The following STXBP6 variants were observed in gnomAD, a reference collection of about 807,000 sequenced individuals.
The protein encoded by STXBP6 is syntaxin binding protein 6.
A neutral mutation model predicts 26.9 loss-of-function variants in STXBP6; 21 were observed. That is an observed-to-expected ratio of 0.78 (90% CI 0.55 to 1.12). The LOEUF (loss-of-function observed/expected upper bound fraction) is 1.12, where lower values mean the gene tolerates loss of function less well. Among genes scored for constraint, STXBP6 ranks in the 50% most tolerant of loss-of-function variants. The pLI is 0.00. For missense variants in STXBP6, 232 were observed against 257.9 expected (o/e 0.90, Z 0.69); for synonymous variants, 97 against 92.6 (o/e 1.05, Z -0.27).
At chr14:24,897,979 A>T (rs1455276538) in intron 2 of STXBP6, among the ~76,000 whole-genome samples, 3 of 152,228 alleles carry the variant, frequency 2.0e-5, no homozygotes, top group African/African-American at 7.2e-5. Flanking sequence ...TCAGTGGTGA[A>T]GTCATGTAGA....
intron 2 of STXBP6, among the ~76,000 whole-genome samples, chr14:24,945,919 G>T (rs1238443309): frequency 6.6e-6 from 1 of 152,234 alleles, no homozygotes; most frequent in Non-Finnish European, 1.5e-5. Context: ...TAGTCAAAAC[G>T]GTTGAACTCA....
At chr14:24,880,377 T>A (rs1705722742) in intron 2 of STXBP6, among the ~76,000 whole-genome samples, 1 of 152,094 alleles carries the variant, frequency 6.6e-6, no homozygotes, top group Admixed American at 6.5e-5. Flanking sequence ...CTCTTGGGGG[T>A]ACATTAATGC....
At chr14:24,945,950 G>A (rs1242337602) in intron 2 of STXBP6, among the ~76,000 whole-genome samples, 2 of 152,134 alleles carry the variant, frequency 1.3e-5, no homozygotes, top group African/African-American at 4.8e-5. Context: ...ACAATGATGT[G>A]GATCGATTAA....
Position 24,812,719 on chromosome 14 carries a change from T to G in STXBP6, c.623A>C (p.His208Pro). 6.2e-7 allele frequency: 1 copy of G among 1,613,818 alleles called. No individual in the cohort carries two copies. Among genetic ancestry groups the G allele is most frequent in the Non-Finnish European group, 8.5e-7 (1 of 1,179,770 alleles). The part of the protein sequence containing the change: ...AETAHKLAMK[H>P]KC ...AGGATAGGCAGTTTCTCAACATTTG[T>G]GCTTCATGGCAAGCTAAGGAGAGAG... Residue 208 changes from histidine to proline, a missense_variant, in exon 6 of 6, where the codon CAC becomes CCC. By Grantham distance (77) the His-to-Pro change is moderately conservative. Coordinates refer to ENST00000323944, the MANE Select transcript of STXBP6 (RefSeq NM_001394410.1).
chr14:24,817,224 C>T (rs1025535620), intron 5 of STXBP6: 1 of 152,204 alleles, frequency 6.6e-6, no homozygotes, highest in Non-Finnish European at 1.5e-5. Context: ...GGAAACAGGG[C>T]TACCAGGGCC....
chr14:24,968,069 G>A lies in STXBP6; in HGVS notation c.154+6596C>T, dbSNP rs556988680. ...ATAGGGATGCTGCAGGGATTAACTG[G>A]AATTAAATAATATAATATGCATAAG... On this transcript the variant is annotated intron_variant, in intron 2 of 5. Transcript: ENST00000323944. 1.2e-4 allele frequency among the ~76,000 whole-genome samples: 18 copies of A among 151,270 alleles called. 1 individual carries two copies. The highest frequency in any genetic ancestry group is 4.4e-4 in the African/African-American group (18 of 41,210).
rs981660306 is a variant in STXBP6, at chr14:24,810,741, T to C, written c.*1968A>G. ...TTCCCAAACATTGTTGTTAGAGAGTTGGCAACCACTTCTGTTCTTGAATTT... is the reference window on the plus strand; with the variant it reads ...TTCCCAAACATTGTTGTTAGAGAGTCGGCAACCACTTCTGTTCTTGAATTT... On this transcript the variant is annotated 3_prime_UTR_variant, in exon 6 of 6. Coordinates refer to ENST00000323944, the MANE Select transcript of STXBP6 (RefSeq NM_001394410.1). The C allele has an allele frequency of 6.6e-6, 1 of 152,226 alleles. No individual in the cohort carries two copies. The highest frequency in any genetic ancestry group is 1.5e-5 in the Non-Finnish European group (1 of 68,032). The allele number at this position is 152,226 out of a possible 1,614,324, so 9.4% of individuals were successfully genotyped here. A position where few individuals can be genotyped will look rare whatever the true frequency, so the allele number is the denominator to read the frequency against.
intron 1 of STXBP6, among the ~76,000 whole-genome samples, chr14:24,979,127 A>G (rs2074121729): frequency 6.6e-6 from 1 of 152,252 alleles, no homozygotes; most frequent in South Asian, 2.1e-4. Flanking sequence ...CAACAGTGCC[A>G]TCTATTTAGC....
At chr14:25,002,362 T>TC (rs886265139) in intron 1 of STXBP6, among the ~76,000 whole-genome samples, 1 of 144,304 alleles carries the variant, frequency 6.9e-6, no homozygotes, top group African/African-American at 2.7e-5. Flanking sequence ...CTTATGACTT[T>TC]TTTTTTTTTT....
intron 2 of STXBP6, among the ~76,000 whole-genome samples, chr14:24,900,691 C>A (rs905941748): frequency 1.3e-5 from 2 of 152,136 alleles, no homozygotes; most frequent in African/African-American, 4.8e-5. Context: ...CTGGACCCAT[C>A]TCATGGGATC....
At chr14:24,987,049 T>A (rs748566466) in intron 1 of STXBP6, among the ~76,000 whole-genome samples, 17 of 152,332 alleles carry the variant, frequency 1.1e-4, no homozygotes, top group South Asian at 6.2e-4. Context: ...CCTAACTAGC[T>A]GTGCAGTGTT....
chr14:24,852,769 T>C (rs1482961065), intron 4 of STXBP6, among the ~76,000 whole-genome samples: 1 of 152,118 alleles, frequency 6.6e-6, no homozygotes, highest in East Asian at 1.9e-4. Context: ...AGGAATGTAG[T>C]GGCTAAAATA....
chr14:24,968,674 C>T (rs756452518), intron 2 of STXBP6, among the ~76,000 whole-genome samples: 1 of 152,006 alleles, frequency 6.6e-6, no homozygotes, highest in South Asian at 2.1e-4. Context: ...GGTTCAGATC[C>T]CTAGAATCTC....
chr14:25,019,856 C>T (rs1204461275), intron 1 of STXBP6, among the ~76,000 whole-genome samples: 2 of 144,972 alleles, frequency 1.4e-5, no homozygotes, highest in Admixed American at 6.9e-5. Context: ...TTATAAAATA[C>T]AAGTTTCGTG....
intron 4 of STXBP6, among the ~76,000 whole-genome samples, chr14:24,854,489 G>C (rs2069258468): frequency 6.6e-6 from 1 of 152,104 alleles, no homozygotes; most frequent in Admixed American, 6.6e-5. Flanking sequence ...GCAAGCTACT[G>C]ACCATATGGA....
chr14:24,996,864 CAA>C (rs753413417), intron 1 of STXBP6, among the ~76,000 whole-genome samples: 1 of 60,886 alleles, frequency 1.6e-5, no homozygotes, highest in Non-Finnish European at 3.1e-5. Context: ...AACTCTGTCT[CAA>C]AAAAAAAAAA....
intron 2 of STXBP6, among the ~76,000 whole-genome samples, chr14:24,924,013 T>C (rs2072074804): frequency 6.6e-6 from 1 of 152,040 alleles, no homozygotes; most frequent in Non-Finnish European, 1.5e-5. Flanking sequence ...AATTCCCACA[T>C]ATTTTTTTTT....
intron 2 of STXBP6, among the ~76,000 whole-genome samples, chr14:24,868,400 T>G (rs2069800602): frequency 6.6e-6 from 1 of 152,142 alleles, no homozygotes; most frequent in South Asian, 2.1e-4. Flanking sequence ...TAAGATATTA[T>G]ACACCTATTA....
chr14:24,899,800 G>GA (rs2071140818), intron 2 of STXBP6, among the ~76,000 whole-genome samples: 3 of 14,486 alleles, frequency 2.1e-4, no homozygotes, highest in South Asian at 3.3e-3. Flanking sequence ...AAAAAAAAAA[G>GA]CAAAAAAAAA....
Sources: allele counts gnomAD v4.1 joint callset (sites outside exome capture counted in the v4.1 genomes callset), GRCh38; gene constraint gnomAD v4.1.1; transcripts MANE v1.5; gene names NCBI Gene and HGNC (gene_info 2026-07-23, HGNC 2026-07-21).